Variants in ROBO2 observed in about 807,000 individuals in gnomAD.
The protein encoded by ROBO2 is roundabout guidance receptor 2.
ROBO2 carries 53 observed loss-of-function variants against 160.8 expected under a neutral mutation model. The ratio of observed to expected loss-of-function variants is 0.33; its 90% confidence interval spans 0.26 to 0.41. The LOEUF is 0.41. Ranked by LOEUF, ROBO2 falls within the 10% of genes least tolerant of loss-of-function variation. The pLI is 1.00. For missense variants in ROBO2, 1,577 were observed against 1,722.4 expected (o/e 0.92, Z 1.49); for synonymous variants, 664 against 611.7 (o/e 1.09, Z -1.26).
chr3:77,199,987 A>T (rs976354450), intron 2 of ROBO2, among the ~76,000 whole-genome samples: 1 of 151,880 alleles, frequency 6.6e-6, no homozygotes, highest in South Asian at 2.1e-4. Context: ...TAATGGAAAT[A>T]TTCTTATTAC....
At chr3:77,343,942 G>A (rs1271278811) in intron 2 of ROBO2, among the ~76,000 whole-genome samples, 1 of 152,142 alleles carries the variant, frequency 6.6e-6, no homozygotes, top group Admixed American at 6.6e-5. Flanking sequence ...CCTACTATGT[G>A]TCAGGTTCCA....
intron 2 of ROBO2, among the ~76,000 whole-genome samples, chr3:76,472,108 T>TGTGC (rs2078696052): frequency 1.5e-5 from 1 of 68,240 alleles, no homozygotes; most frequent in African/African-American, 4.4e-5. Flanking sequence ...TGTGCGCGTG[T>TGTGC]GCGTGCGCAT....
intron 2 of ROBO2, among the ~76,000 whole-genome samples, chr3:75,937,839 TTTTATATA>T (rs1330508177): frequency 6.0e-5 from 2 of 33,078 alleles, no homozygotes; most frequent in Admixed American, 4.9e-4. Flanking sequence ...TTGGAATTGA[TTTTATATA>T]TATATATATA....
intron 2 of ROBO2, among the ~76,000 whole-genome samples, chr3:77,164,999 C>T (rs1359623621): frequency 1.3e-5 from 2 of 149,496 alleles, no homozygotes; most frequent in South Asian, 2.1e-4. Context: ...CGCCTCTGCC[C>T]GGCGGCCCTT....
intron 2 of ROBO2, among the ~76,000 whole-genome samples, chr3:76,509,186 G>T (rs2080952731): frequency 6.6e-6 from 1 of 152,156 alleles, no homozygotes; most frequent in Non-Finnish European, 1.5e-5. Flanking sequence ...AAGGGGTGGG[G>T]CCAAGGTGGT....
intron 2 of ROBO2, among the ~76,000 whole-genome samples, chr3:77,379,302 T>A (rs2073128011): frequency 6.6e-6 from 1 of 152,202 alleles, no homozygotes; most frequent in Admixed American, 6.5e-5. Context: ...ATGCATGCCT[T>A]TTGTTAATCT....
At chr3:77,595,303 G>A in intron 18 of ROBO2, 119 bp downstream of exon 19, 2 of 773,012 alleles carry the variant, frequency 2.6e-6, no homozygotes, top group East Asian at 5.4e-5. Flanking sequence ...ATTCTAGGAG[G>A]AATTAAATGG....
chr3:76,764,059 ACT>A (rs1284210001), intron 2 of ROBO2, among the ~76,000 whole-genome samples: 1 of 151,606 alleles, frequency 6.6e-6, no homozygotes, highest in African/African-American at 2.4e-5. Flanking sequence ...TATCTAGAAA[ACT>A]CTCACATTAA....
At chr3:76,818,155 G>A (rs192251171) in intron 2 of ROBO2, among the ~76,000 whole-genome samples, 147 of 151,834 alleles carry the variant, frequency 9.7e-4, no homozygotes, top group African/African-American at 3.5e-3. Context: ...CATCCACACC[G>A]ACATCTATTA....
intron 2 of ROBO2, among the ~76,000 whole-genome samples, chr3:76,591,378 A>G (rs1163459393): frequency 6.6e-6 from 1 of 152,136 alleles, no homozygotes; most frequent in East Asian, 1.9e-4. Context: ...CCAGGCATAC[A>G]TGGGCCTATG....
chr3:76,216,702 A>T (rs369820328), intron 2 of ROBO2, among the ~76,000 whole-genome samples: 3 of 152,262 alleles, frequency 2.0e-5, no homozygotes, highest in African/African-American at 7.2e-5. Context: ...CTCCCACACA[A>T]TAATAATGGG....
intron 2 of ROBO2, among the ~76,000 whole-genome samples, chr3:77,333,686 C>A (rs950667990): frequency 3.9e-5 from 6 of 152,110 alleles, no homozygotes; most frequent in African/African-American, 1.4e-4. Context: ...ATTGTTATAA[C>A]CATCTGCAAT....
chr3:76,456,253 A>G (rs998804713), intron 2 of ROBO2, among the ~76,000 whole-genome samples: 4 of 152,214 alleles, frequency 2.6e-5, no homozygotes, highest in African/African-American at 9.6e-5. Flanking sequence ...AACTCCCATT[A>G]AACCAGGAGG....
At chr3:77,358,909 T>C (rs2069521631) in intron 2 of ROBO2, among the ~76,000 whole-genome samples, 1 of 152,234 alleles carries the variant, frequency 6.6e-6, no homozygotes, top group African/African-American at 2.4e-5. Context: ...GTCTGCAAGA[T>C]GAGCACAGTC....
At chr3:76,942,568 G>A (rs114234268) in intron 2 of ROBO2, among the ~76,000 whole-genome samples, 4,463 of 152,238 alleles carry the variant, frequency 0.029, 215 homozygotes, top group African/African-American at 0.1. Context: ...GCTCATATAT[G>A]CCTGGGGATG....
intron 2 of ROBO2, among the ~76,000 whole-genome samples, chr3:76,163,694 A>T (rs77562867): frequency 0.019 from 2,880 of 152,168 alleles, 106 homozygotes; most frequent in African/African-American, 0.065. Flanking sequence ...TGTTTACAAT[A>T]TACTACAGCC....
At chr3:76,138,235 A>C (rs1416710070) in intron 2 of ROBO2, among the ~76,000 whole-genome samples, 1 of 151,990 alleles carries the variant, frequency 6.6e-6, no homozygotes, top group Non-Finnish European at 1.5e-5. Context: ...AATAGAGAAA[A>C]GCACTTTTAT....
chr3:77,297,776 A>G (rs2062278805), intron 2 of ROBO2, among the ~76,000 whole-genome samples: 1 of 152,212 alleles, frequency 6.6e-6, no homozygotes, highest in African/African-American at 2.4e-5. Context: ...TAACGGAAGA[A>G]GAAATTGACA....
chr3:76,659,352 A>G (rs200854183), intron 2 of ROBO2, among the ~76,000 whole-genome samples: 1 of 149,336 alleles, frequency 6.7e-6, no homozygotes, highest in Non-Finnish European at 1.5e-5. Context: ...AATGCATATA[A>G]ATATATACAT....
Sources: allele counts gnomAD v4.1 joint callset (sites outside exome capture counted in the v4.1 genomes callset), GRCh38; gene constraint gnomAD v4.1.1; transcripts MANE v1.5; gene names NCBI Gene and HGNC (gene_info 2026-07-23, HGNC 2026-07-21).